The following JAK1 variants were observed in gnomAD, a reference collection of about 807,000 sequenced individuals.
JAK1 encodes tyrosine-protein kinase JAK1.
In JAK1, 16 loss-of-function variants were observed where a neutral mutation model predicts 136.6. The observed-to-expected ratio is 0.12, with a 90% CI of 0.08 to 0.18. JAK1 has a LOEUF of 0.18. JAK1 is among the 10% of genes least tolerant of loss of function. The pLI is 1.00. For missense variants in JAK1, 859 were observed against 1,450.1 expected, an observed-to-expected ratio of 0.59 and a Z score of 6.62; for synonymous variants, 492 against 519.5, an observed-to-expected ratio of 0.95 and a Z score of 0.72.
At chr1:64,963,758 G>C (rs1480279063) in intron 1 of JAK1, among the ~76,000 whole-genome samples, 1 of 152,086 alleles carries the variant, frequency 6.6e-6, no homozygotes, top group African/African-American at 2.4e-5. Context: ...GAAAAAATTT[G>C]CCACAAGAGC....
chr1:65,050,087 T>C (rs1278629702), intron 1 of JAK1, among the ~76,000 whole-genome samples: 1 of 152,172 alleles, frequency 6.6e-6, no homozygotes, highest in African/African-American at 2.4e-5. Flanking sequence ...TTTGAACACC[T>C]TGTTTTTAGC....
intron 2 of JAK1, chr1:64,990,138 T>C (rs1238697392): frequency 6.6e-6 from 1 of 152,002 alleles, no homozygotes; most frequent in Non-Finnish European, 1.5e-5. Context: ...TGAAACCCCA[T>C]CTCTACTAAA....
intron 2 of JAK1, chr1:64,979,731 A>T (rs544565974): frequency 6.6e-6 from 1 of 152,336 alleles, no homozygotes; most frequent in Non-Finnish European, 1.5e-5. Context: ...CAAGACATCC[A>T]TCTGAAAAAT....
At chr1:64,897,577 G>A (rs1394737669) in intron 1 of JAK1, among the ~76,000 whole-genome samples, 2 of 105,910 alleles carry the variant, frequency 1.9e-5, no homozygotes, top group African/African-American at 7.0e-5. Flanking sequence ...AGGAGGAGGA[G>A]GAGGAGGAGG....
rs369714411 is a variant in JAK1 at position 65,041,824 on chromosome 1, A to C, written c.-78+2656T>G. On this transcript the variant is annotated intron_variant, in intron 2 of 25. Transcript: ENST00000671954. ...GAGGCCAAGGTGGGTGGATCACCTG[A>C]GTTCAGGAGTTCTAGACCAGCCTGG... Among the ~76,000 whole-genome samples the C allele has an allele frequency of 1.5e-4, 23 of 152,306 alleles. 1 individual carries two copies. Among genetic ancestry groups the C allele is most frequent in the Admixed American group, 3.3e-4 (5 of 15,292 alleles).
At chr1:65,028,641 T>C (rs996068884) in intron 2 of JAK1, among the ~76,000 whole-genome samples, 20 of 152,342 alleles carry the variant, frequency 1.3e-4, no homozygotes, top group African/African-American at 4.6e-4. Context: ...CATTGAAACT[T>C]ATAAAAATGT....
At chr1:64,875,602 T>A (rs1193476419) in intron 4 of JAK1, among the ~76,000 whole-genome samples, 1 of 152,196 alleles carries the variant, frequency 6.6e-6, no homozygotes, top group Non-Finnish European at 1.5e-5. Flanking sequence ...AAAACCAACA[T>A]TTTTATAATC....
In JAK1 at chr1:64,834,373, G is replaced by A. The variant is rs951511010; in HGVS notation, c.*189C>T. The A allele has an allele frequency of 1.6e-5, 7 of 438,870 alleles. No homozygotes were observed. Among genetic ancestry groups the A allele is most frequent in the Non-Finnish European group, 1.2e-5 (3 of 240,962 alleles). 27.2% of individuals were successfully genotyped at this position (438,870 alleles called of 1,614,324 possible). A position where few individuals can be genotyped will look rare whatever the true frequency, so the allele number is the denominator to read the frequency against. On this transcript the variant is annotated 3_prime_UTR_variant, in exon 25 of 25. Coordinates refer to ENST00000342505, the MANE Select transcript of JAK1 (RefSeq NM_002227.4). ...CTAAGTTACTGGTACCAAATTTAAA[G>A]AGGAAGTCCTTACACATATTAAGCA...
chr1:64,973,173 GAAAGAAAGAAAGAA>G (rs1351374951), intron 2 of JAK1: 55 of 121,066 alleles, frequency 4.5e-4, no homozygotes, highest in African/African-American at 1.4e-3. Flanking sequence ...GGAAGAAAAA[GAAAGAAAGAAAGAA>G]AAAGAAAGAA....
chr1:64,978,254 G>A (rs931699764), intron 2 of JAK1, among the ~76,000 whole-genome samples: 1 of 152,054 alleles, frequency 6.6e-6, no homozygotes, highest in Non-Finnish European at 1.5e-5. Context: ...CTCCAGCCTG[G>A]GCAGCAGAGC....
chr1:64,871,151 T>G (rs1214499090), intron 5 of JAK1, among the ~76,000 whole-genome samples: 1 of 152,206 alleles, frequency 6.6e-6, no homozygotes, highest in Non-Finnish European at 1.5e-5. Flanking sequence ...CCACACAGTA[T>G]CTGCCTGGGG....
intron 2 of JAK1, among the ~76,000 whole-genome samples, chr1:64,988,958 GTA>G (rs2100717064): frequency 9.0e-6 from 1 of 111,580 alleles, no homozygotes; most frequent in South Asian, 2.4e-4. Context: ...GTATATATAT[GTA>G]TGTATGTATA....
intron 1 of JAK1, among the ~76,000 whole-genome samples, chr1:64,917,581 T>C (rs552183135): frequency 2.6e-5 from 4 of 152,292 alleles, no homozygotes; most frequent in East Asian, 3.9e-4. Context: ...GTAGACTGCA[T>C]TGAGGGTAGA....
Position 64,888,330 on chromosome 1 carries a change from C to T in JAK1, c.-77-1989G>A, listed in dbSNP as rs530277041. ...CCGAGTAGCTGGGACTACAGGCATG[C>T]GCCACTACGTCCAGCTATTTTTTGT... On this transcript the variant is annotated intron_variant, in intron 1 of 24. Coordinates refer to ENST00000342505, the MANE Select transcript of JAK1 (RefSeq NM_002227.4). 7.9e-5 allele frequency among the ~76,000 whole-genome samples: 12 copies of T among 152,200 alleles called. No homozygotes were observed. The South Asian group carries it at 2.5e-3, about 32-fold the overall frequency.
In JAK1 at chr1:65,050,476, A is replaced by G. The variant is rs1647253388; in HGVS notation, c.-180-5894T>C. On this transcript the variant is annotated intron_variant, in intron 1 of 25. Transcript: ENST00000671954. ...AGAAGGAAATGCATCTGACACAGAAAGGACTTGATTCCCTGACAAAGGCCA... is the reference window on the plus strand; with the variant it reads ...AGAAGGAAATGCATCTGACACAGAAGGGACTTGATTCCCTGACAAAGGCCA... Among the ~76,000 whole-genome samples, 3 of 152,236 alleles carry G rather than the reference A, an allele frequency of 2.0e-5. No individual in the cohort carries two copies. The South Asian group carries it at 6.2e-4, about 31-fold the overall frequency.
At position 65,010,214 on chromosome 1, in the gene JAK1, G is replaced by T. The variant is rs371292599; in HGVS notation, c.-78+34266C>A. Among the ~76,000 whole-genome samples the T allele has an allele frequency of 1.2e-4, 18 of 152,278 alleles. 1 individual carries two copies. Among genetic ancestry groups the T allele is most frequent in the Admixed American group, 3.3e-4 (5 of 15,292 alleles). ...ACTCACTTCTAATGGATAGAATAAA[G>T]CAAAAGTGACATTGTGTGACTTCAG... On this transcript the variant is annotated intron_variant, in intron 2 of 25. Transcript: ENST00000671954.
At chr1:64,880,905 C>A (rs1366795790) in intron 3 of JAK1, among the ~76,000 whole-genome samples, 3 of 151,976 alleles carry the variant, frequency 2.0e-5, no homozygotes, top group Non-Finnish European at 4.4e-5. Context: ...CAAGATCATG[C>A]CACTGCACTC....
chr1:64,996,442 G>A (rs548103667), intron 2 of JAK1, among the ~76,000 whole-genome samples: 19 of 152,254 alleles, frequency 1.2e-4, no homozygotes, highest in South Asian at 8.3e-4. Context: ...GATATTTCCC[G>A]AATTAAAAAT....
chr1:65,045,499 GCATGGTGGGAAGCATGAAAT>G (rs113918886), intron 1 of JAK1, among the ~76,000 whole-genome samples: 4,593 of 152,110 alleles, frequency 0.03, 224 homozygotes, highest in African/African-American at 0.1. Context: ...AAGCATGAAA[GCATGGTGGGAAGCATGAAAT>G]CATGGTGGCT....
Sources: gnomAD v4.1 joint callset for allele counts (sites outside exome capture counted in the v4.1 genomes callset) on GRCh38, gnomAD v4.1.1 for gene constraint, MANE v1.5 for transcripts, NCBI Gene and HGNC (gene_info 2026-07-23, HGNC 2026-07-21) for gene names.